TXNL4A: variants seen among roughly 807,000 people sequenced by gnomAD.
TXNL4A encodes thioredoxin like 4A.
A neutral mutation model predicts 14.6 loss-of-function variants in TXNL4A; 17 were observed. The observed-to-expected ratio is 1.16, with a 90% CI of 0.80 to 1.74. The LOEUF (loss-of-function observed/expected upper bound fraction) is 1.74. Among genes scored for constraint, TXNL4A ranks in the 40% most tolerant of loss-of-function variants. The probability of loss-of-function intolerance (pLI) is 0.00; values close to 1 mark genes in which losing one functional copy is unlikely to be tolerated. For synonymous variants in TXNL4A, 83 were observed against 70.6 expected (o/e 1.18, Z -0.88); for missense variants, 74 against 195.2 (o/e 0.38, Z 3.70).
chr18:80,020,733 A>G (rs1455104330), intron 1 of TXNL4A, among the ~76,000 whole-genome samples: 1 of 151,644 alleles, frequency 6.6e-6, no homozygotes, highest in African/African-American at 2.4e-5. Context: ...TTTATTTTAT[A>G]AGGCAGTATA....
chr18:80,031,319 T>C (rs8090081), intron 1 of TXNL4A, among the ~76,000 whole-genome samples: 70,595 of 152,050 alleles, frequency 0.46, 17,162 homozygotes, highest in East Asian at 0.75. Context: ...GGCATGCCAC[T>C]GACTGGGTGC....
chr18:80,018,231 GA>G, intron 1 of TXNL4A, among the ~76,000 whole-genome samples: 1 of 152,304 alleles, frequency 6.6e-6, no homozygotes, highest in South Asian at 2.1e-4. Flanking sequence ...GCTCCTGAAT[GA>G]CTACTGGGTA....
At chr18:79,985,461 C>T (rs959475785) in intron 1 of TXNL4A, among the ~76,000 whole-genome samples, 7 of 151,976 alleles carry the variant, frequency 4.6e-5, no homozygotes, top group Non-Finnish European at 1.0e-4. Context: ...CCATGTTGCC[C>T]GGGCTGTTCT....
chr18:79,988,900 G>A (rs1049274898), upstream of TXNL4A, among the ~76,000 whole-genome samples: 1 of 152,224 alleles, frequency 6.6e-6, no homozygotes, highest in Admixed American at 6.5e-5. Flanking sequence ...CCGGCACTGC[G>A]GCTCGTTTTC....
At chr18:80,016,430 C>T (rs1308380162) in intron 1 of TXNL4A, among the ~76,000 whole-genome samples, 2 of 151,392 alleles carry the variant, frequency 1.3e-5, no homozygotes, top group African/African-American at 2.4e-5. Flanking sequence ...GACATGAAGT[C>T]CTTGCCCATG....
At chr18:80,023,172 C>G (rs2051861275) in intron 1 of TXNL4A, among the ~76,000 whole-genome samples, 1 of 152,124 alleles carries the variant, frequency 6.6e-6, no homozygotes, top group Non-Finnish European at 1.5e-5. Flanking sequence ...CTTAAAAGAA[C>G]ATAAGAATTG....
chr18:79,984,068 C>T (rs891837687), intron 1 of TXNL4A, among the ~76,000 whole-genome samples: 4 of 152,122 alleles, frequency 2.6e-5, no homozygotes, highest in African/African-American at 9.7e-5. Flanking sequence ...ACCCCTCATA[C>T]CTTGTGGCTA....
At chr18:80,021,646 T>C (rs112131721) in intron 1 of TXNL4A, among the ~76,000 whole-genome samples, 143 of 152,364 alleles carry the variant, frequency 9.4e-4, no homozygotes, top group African/African-American at 3.3e-3. Context: ...TATAGCTTTA[T>C]TAACAAGATG....
At chr18:79,976,474 C>T (rs555779838) in intron 2 of TXNL4A, among the ~76,000 whole-genome samples, 2 of 152,100 alleles carry the variant, frequency 1.3e-5, no homozygotes, top group Non-Finnish European at 2.9e-5. Flanking sequence ...CCCACCACCA[C>T]GAAGAGCCAG....
intron 1 of TXNL4A, among the ~76,000 whole-genome samples, chr18:80,015,823 T>C (rs28840476): frequency 0.03 from 4,265 of 141,658 alleles, 172 homozygotes; most frequent in African/African-American, 0.11. Context: ...AATAAACATA[T>C]GTGTGCATGT....
At chr18:80,001,428 G>C (rs1476348460) in intron 1 of TXNL4A, among the ~76,000 whole-genome samples, 5 of 152,136 alleles carry the variant, frequency 3.3e-5, no homozygotes. Flanking sequence ...TAGTGGAGTT[G>C]TGAGAAGAGG....
intron 1 of TXNL4A, among the ~76,000 whole-genome samples, chr18:80,001,345 C>A (rs549977933): frequency 3.9e-5 from 6 of 152,314 alleles, no homozygotes; most frequent in Non-Finnish European, 8.8e-5. Flanking sequence ...TCATGGAGAA[C>A]CTCTGCTAGG....
chr18:80,005,002 A>G (rs2051720346), intron 1 of TXNL4A, among the ~76,000 whole-genome samples: 1 of 152,254 alleles, frequency 6.6e-6, no homozygotes, highest in East Asian at 1.9e-4. Flanking sequence ...AAAGAGCTGC[A>G]GTGATAAAAG....
chr18:79,981,427 T>C (rs1325008201), intron 1 of TXNL4A, among the ~76,000 whole-genome samples: 1 of 152,158 alleles, frequency 6.6e-6, no homozygotes, highest in Non-Finnish European at 1.5e-5. Context: ...ATCCCAGCAC[T>C]TTGGGAGGCT....
intron 1 of TXNL4A, among the ~76,000 whole-genome samples, chr18:80,022,969 C>G (rs1280043626): frequency 6.6e-6 from 1 of 152,118 alleles, no homozygotes; most frequent in African/African-American, 2.4e-5. Context: ...ACCCAATAGG[C>G]CTGGGAGAGA....
intron 1 of TXNL4A, among the ~76,000 whole-genome samples, chr18:80,027,991 A>G (rs1419927558): frequency 2.0e-5 from 3 of 152,236 alleles, no homozygotes; most frequent in Admixed American, 1.3e-4. Flanking sequence ...TAAAAAATGA[A>G]CAAACTGATC....
intron 1 of TXNL4A, chr18:79,977,926 C>T (rs777123258): frequency 5.5e-5 from 30 of 541,640 alleles, no homozygotes; most frequent in Non-Finnish European, 9.2e-5. Flanking sequence ...ACCTCAGCCT[C>T]CCAAAGTGCT....
chr18:80,023,426 G>A (rs1314448490), intron 1 of TXNL4A, among the ~76,000 whole-genome samples: 1 of 152,132 alleles, frequency 6.6e-6, no homozygotes, highest in Non-Finnish European at 1.5e-5. Flanking sequence ...GGTTGCAAAC[G>A]TTACGTAAAA....
chr18:80,005,939 A>G (rs895872045), intron 1 of TXNL4A, among the ~76,000 whole-genome samples: 19 of 151,914 alleles, frequency 1.3e-4, no homozygotes, highest in Non-Finnish European at 1.0e-4. Flanking sequence ...AAAGAATAAG[A>G]AAAAATATCT....
Sources: gnomAD v4.1 joint callset for allele counts (sites outside exome capture counted in the v4.1 genomes callset) on GRCh38, gnomAD v4.1.1 for gene constraint, MANE v1.5 for transcripts, NCBI Gene and HGNC (gene_info 2026-07-23, HGNC 2026-07-21) for gene names.